The following IL19 variants were observed in gnomAD, a reference collection of about 807,000 sequenced individuals.
IL19 encodes the protein interleukin 19, also known as interleukin-19.
Under a neutral mutation model 19.5 loss-of-function variants are expected in IL19, and 15 were observed. The ratio of observed to expected loss-of-function variants is 0.77; its 90% CI spans 0.52 to 1.19. The LOEUF (loss-of-function observed/expected upper bound fraction) is 1.19. Ranked by LOEUF, IL19 falls within the 50% of genes most tolerant of loss-of-function variation. The pLI is 0.00. For synonymous variants in IL19, 78 were observed against 78.3 expected (o/e 1.00, Z 0.02); for missense variants, 199 against 213.1 (o/e 0.93, Z 0.41).
chr1:206,776,427 GGTGTGTGTGT>G (rs2234655), intron 1 of IL19, among the ~76,000 whole-genome samples: 1 of 148,358 alleles, frequency 6.7e-6, no homozygotes, highest in African/African-American at 2.5e-5. Flanking sequence ...GAACTGCTGG[GGTGTGTGTGT>G]GTGTGTGTGT....
intron 1 of IL19, among the ~76,000 whole-genome samples, chr1:206,775,544 G>A (rs1041412523): frequency 1.3e-5 from 2 of 152,124 alleles, no homozygotes; most frequent in Admixed American, 6.5e-5. Flanking sequence ...TGGAGATAAC[G>A]GCTTCTCCAT....
At chr1:206,840,934 G>T in intron 5 of IL19, 70 bp from the exon 6 acceptor site, 1 of 1,241,986 alleles carries the variant, frequency 8.1e-7, no homozygotes, top group East Asian at 2.3e-5. Flanking sequence ...TTCTCATGTG[G>T]GGAGGCAGGA....
chr1:206,841,989 T>C (rs1194017569), intron 6 of IL19, among the ~76,000 whole-genome samples: 1 of 152,174 alleles, frequency 6.6e-6, no homozygotes, highest in African/African-American at 2.4e-5. Context: ...CTCAGTCTGC[T>C]GAGGAAGGAG....
At position 206,839,835 on chromosome 1, in the gene IL19, A is replaced by T; in HGVS notation, c.211-15A>T. 6.2e-7 allele frequency: 1 copy of T among 1,600,852 alleles called. No homozygotes were observed. The highest frequency in any genetic ancestry group is 8.5e-7 in the Non-Finnish European group (1 of 1,173,020). On this transcript the variant is annotated splice_polypyrimidine_tract_variant and intron_variant, in intron 4 of 6. Transcript: ENST00000659997. ...GAGAAGAGGCCTCTAGTGTTTCCCTAATTTGTGTTTGTAGCCCTTAGATGT... is the reference window on the plus strand; with the variant it reads ...GAGAAGAGGCCTCTAGTGTTTCCCTTATTTGTGTTTGTAGCCCTTAGATGT...
At chr1:206,814,749 G>A (rs995090753) in intron 2 of IL19, among the ~76,000 whole-genome samples, 5 of 151,510 alleles carry the variant, frequency 3.3e-5, no homozygotes, top group Non-Finnish European at 5.9e-5. Flanking sequence ...CATATGCAGA[G>A]TGGAAGCACG....
chr1:206,803,773 C>T (rs1418640648), intron 2 of IL19, among the ~76,000 whole-genome samples: 1 of 152,192 alleles, frequency 6.6e-6, no homozygotes, highest in Non-Finnish European at 1.5e-5. Flanking sequence ...AATAAAGTGA[C>T]TTTCAAACTG....
At chr1:206,823,801 TG>T (rs1319567933) in intron 2 of IL19, among the ~76,000 whole-genome samples, 1 of 152,146 alleles carries the variant, frequency 6.6e-6, no homozygotes, top group African/African-American at 2.4e-5. Context: ...GGGTAAGAAA[TG>T]CAGGGAATAA....
chr1:206,812,531 A>G (rs1177072708), intron 2 of IL19, among the ~76,000 whole-genome samples: 1 of 152,222 alleles, frequency 6.6e-6, no homozygotes, highest in East Asian at 1.9e-4. Context: ...AGAGGACAAT[A>G]TCTGGAACCC....
intron 4 of IL19, 30 bp downstream of exon 4, chr1:206,837,053 T>G: frequency 4.5e-6 from 7 of 1,554,100 alleles, no homozygotes; most frequent in Non-Finnish European, 6.2e-6. Context: ...TTTTCCAGTA[T>G]TTTTATCTTC....
chr1:206,837,951 C>A (rs1450329922), intron 4 of IL19, among the ~76,000 whole-genome samples: 2 of 152,162 alleles, frequency 1.3e-5, no homozygotes, highest in African/African-American at 4.8e-5. Flanking sequence ...TGATTGGGAG[C>A]TCCCAGTGCT....
intron 1 of IL19, among the ~76,000 whole-genome samples, chr1:206,792,837 C>T (rs1274509088): frequency 1.3e-5 from 2 of 152,190 alleles, no homozygotes; most frequent in Non-Finnish European, 2.9e-5. Context: ...CAAGCCTACA[C>T]AGCTGATAAG....
At chr1:206,826,998 G>A (rs1447717946) in intron 2 of IL19, among the ~76,000 whole-genome samples, 1 of 152,322 alleles carries the variant, frequency 6.6e-6, no homozygotes, top group East Asian at 1.9e-4. Context: ...TACAATGTGG[G>A]TGACACATTG....
rs1238655735 is a variant in IL19 at position 206,842,721 on chromosome 1, C to T, written c.*99C>T. The T allele has an allele frequency of 1.4e-6, 1 of 696,712 alleles. No individual in the cohort carries two copies. The highest frequency in any genetic ancestry group is 1.8e-5 in the African/African-American group (1 of 55,318). The allele number at this position is 696,712 out of a possible 1,614,324, so 43.2% of individuals were successfully genotyped here. A position where few individuals can be genotyped will look rare whatever the true frequency, so the allele number is the denominator to read the frequency against. ...GAAGGGGAAGGAGATGGGGAAGGCC[C>T]CTTGCAGCTGAAAGTCCCACTGGCT... On this transcript the variant is annotated 3_prime_UTR_variant, in exon 7 of 7. Transcript: ENST00000659997.
chr1:206,825,863 C>T (rs920139036), intron 2 of IL19, among the ~76,000 whole-genome samples: 1 of 152,198 alleles, frequency 6.6e-6, no homozygotes, highest in Non-Finnish European at 1.5e-5. Flanking sequence ...CTTGGAGGAC[C>T]CAGTATGTGC....
chr1:206,814,739 C>T (rs897643262), intron 2 of IL19, among the ~76,000 whole-genome samples: 1 of 150,124 alleles, frequency 6.7e-6, no homozygotes, highest in African/African-American at 2.5e-5. Context: ...TCACTTTGAA[C>T]ATATGCAGAG....
At chr1:206,801,363 C>T (rs181551763) in intron 2 of IL19, among the ~76,000 whole-genome samples, 3 of 152,204 alleles carry the variant, frequency 2.0e-5, no homozygotes, top group East Asian at 1.9e-4. Flanking sequence ...TGCCTGGAGG[C>T]GGGGGGTGGA....
At position 206,774,268 on chromosome 1, in the gene IL19, T is replaced by C. The variant is rs552584907; in HGVS notation, c.-149+3190T>C. ...TTCAGGGAGTGTCAATGTAGAAACC[T>C]AAGAATCAGGAAGTGAGAAAGAGCC... On this transcript the variant is annotated intron_variant, in intron 1 of 6. Transcript: ENST00000659997. 1.4e-4 allele frequency among the ~76,000 whole-genome samples: 21 copies of C among 152,256 alleles called. No individual in the cohort carries two copies. The East Asian group carries it at 3.7e-3, about 27-fold the overall frequency.
intron 1 of IL19, among the ~76,000 whole-genome samples, chr1:206,782,046 TA>T (rs1411408001): frequency 5.3e-4 from 31 of 58,622 alleles, no homozygotes; most frequent in Admixed American, 1.0e-3. Context: ...TATATGTATA[TA>T]GTTATATATA....
intron 2 of IL19, among the ~76,000 whole-genome samples, chr1:206,814,610 C>CTTGAACCTGGG (rs1193312987): frequency 3.3e-5 from 5 of 151,494 alleles, no homozygotes; most frequent in South Asian, 2.1e-4. Flanking sequence ...ATGAGAATCA[C>CTTGAACCTGGG]TTGAACCTGG....
Sources: allele counts gnomAD v4.1 joint callset (sites outside exome capture counted in the v4.1 genomes callset), GRCh38; gene constraint gnomAD v4.1.1; transcripts MANE v1.5; gene names NCBI Gene and HGNC (gene_info 2026-07-23, HGNC 2026-07-21).